The following TPRG1 variants were observed in gnomAD, a reference collection of about 807,000 sequenced individuals.
The protein encoded by TPRG1 is tumor protein p63 regulated 1.
In TPRG1, 29 loss-of-function variants were observed where a neutral mutation model predicts 29.3. The observed-to-expected ratio is 0.99, with a 90% CI of 0.74 to 1.35. TPRG1 has a LOEUF of 1.35. TPRG1 is among the 40% of genes most tolerant of loss of function. TPRG1 has a pLI of 0.00. For missense variants in TPRG1, 327 were observed against 335.0 expected (o/e 0.98, Z 0.19); for synonymous variants, 130 against 116.8 (o/e 1.11, Z -0.73).
chr3:189,203,112 T>G (rs1327216487), intron 1 of TPRG1, among the ~76,000 whole-genome samples: 1 of 152,160 alleles, frequency 6.6e-6, no homozygotes, highest in African/African-American at 2.4e-5. Flanking sequence ...AAGCTATAAT[T>G]TATGCCCTAC....
intron 4 of TPRG1, among the ~76,000 whole-genome samples, chr3:189,258,016 C>T (rs2109025615): frequency 1.3e-5 from 2 of 152,310 alleles, no homozygotes; most frequent in Middle Eastern, 3.4e-3. Flanking sequence ...TAGTCAAACT[C>T]ATTCTCAGTC....
chr3:189,003,745 C>G (rs1427152854), intron 2 of TPRG1, among the ~76,000 whole-genome samples: 1 of 152,194 alleles, frequency 6.6e-6, no homozygotes, highest in African/African-American at 2.4e-5. Context: ...CCTGATCCTT[C>G]TACTTTCCCA....
chr3:189,185,796 T>C (rs894884306), intron 1 of TPRG1, among the ~76,000 whole-genome samples: 12 of 152,214 alleles, frequency 7.9e-5, no homozygotes, highest in African/African-American at 2.9e-4. Context: ...AATATGTTAC[T>C]TTCTAACATT....
chr3:189,109,389 C>T (rs1720228367), intron 1 of TPRG1, among the ~76,000 whole-genome samples: 1 of 152,150 alleles, frequency 6.6e-6, no homozygotes, highest in African/African-American at 2.4e-5. Flanking sequence ...GATGTAATCG[C>T]TCATATGTCC....
chr3:189,211,918 A>G (rs1735325064), intron 2 of TPRG1: 1 of 152,036 alleles, frequency 6.6e-6, no homozygotes, highest in African/African-American at 2.4e-5. Context: ...TTCATCTGCT[A>G]TTATTGCTTA....
At chr3:189,052,739 A>G (rs1165539398) in intron 4 of TPRG1, among the ~76,000 whole-genome samples, 2 of 152,160 alleles carry the variant, frequency 1.3e-5, no homozygotes. Context: ...ATATATATAT[A>G]TATGCTATGC....
intron 4 of TPRG1, among the ~76,000 whole-genome samples, chr3:189,263,112 G>T (rs1171322142): frequency 2.0e-5 from 3 of 152,210 alleles, no homozygotes; most frequent in Admixed American, 2.0e-4. Context: ...CACACTCCTG[G>T]GGAGGCTCTT....
chr3:189,124,022 T>C (rs1190080402), intron 1 of TPRG1, among the ~76,000 whole-genome samples: 1 of 152,204 alleles, frequency 6.6e-6, no homozygotes, highest in Non-Finnish European at 1.5e-5. Flanking sequence ...GAGTCTTGTC[T>C]TTACTTCGTT....
rs562063267 is a variant in TPRG1, at chr3:189,217,636, C to A, written c.302+2253C>A. On this transcript the variant is annotated intron_variant, in intron 3 of 5. Transcript: ENST00000345063. ...TGGTGAGAATTTGACAGTTTATTTT[C>A]TTTGCTTGTTAAAAACCTCATCGTG... is the stretch of plus-strand genomic sequence containing the variant. 3.3e-5 allele frequency among the ~76,000 whole-genome samples: 5 copies of A among 152,222 alleles called. No homozygotes were observed. The East Asian group carries it at 9.6e-4, about 29-fold the overall frequency.
intron 1 of TPRG1, among the ~76,000 whole-genome samples, chr3:189,123,121 C>G (rs4600809): frequency 1.3e-5 from 2 of 152,160 alleles, no homozygotes; most frequent in Admixed American, 1.3e-4. Flanking sequence ...AATAACATTT[C>G]TGGTGGATTG....
chr3:189,239,711 C>T (rs1314222933), intron 4 of TPRG1, among the ~76,000 whole-genome samples: 1 of 152,120 alleles, frequency 6.6e-6, no homozygotes, highest in East Asian at 1.9e-4. Flanking sequence ...TTCTGTAAAG[C>T]TCAGTGGATA....
chr3:189,146,422 T>C (rs1725270837), intron 3 of TPRG1, among the ~76,000 whole-genome samples: 2 of 152,212 alleles, frequency 1.3e-5, no homozygotes, highest in Admixed American at 6.5e-5. Flanking sequence ...GTAGCCAGTG[T>C]CAAGGTTAGA....
intron 4 of TPRG1, among the ~76,000 whole-genome samples, chr3:189,263,373 C>T (rs1713481606): frequency 6.6e-6 from 1 of 152,092 alleles, no homozygotes; most frequent in Admixed American, 6.6e-5. Context: ...TTGGTGCCTC[C>T]GAGGAACTGT....
chr3:189,033,419 C>A (rs901874212), intron 4 of TPRG1, among the ~76,000 whole-genome samples: 1 of 151,950 alleles, frequency 6.6e-6, no homozygotes, highest in Non-Finnish European at 1.5e-5. Context: ...GTACCTGGGA[C>A]AACAGGTACG....
upstream of TPRG1, among the ~76,000 whole-genome samples, chr3:189,169,650 T>C (rs1728575850): frequency 6.6e-6 from 1 of 152,250 alleles, no homozygotes; most frequent in Non-Finnish European, 1.5e-5. Flanking sequence ...AATTCTTATA[T>C]ATAGCCATAT....
chr3:189,170,278 GT>G (rs1213317598), upstream of TPRG1, among the ~76,000 whole-genome samples: 5 of 152,286 alleles, frequency 3.3e-5, no homozygotes, highest in East Asian at 5.8e-4. Context: ...CTAGATACCG[GT>G]TCTGTAAAAC....
intron 2 of TPRG1, among the ~76,000 whole-genome samples, chr3:189,002,128 T>A (rs1712056980): frequency 6.6e-6 from 1 of 152,130 alleles, no homozygotes; most frequent in Admixed American, 6.5e-5. Flanking sequence ...TGGGTTCTGG[T>A]TATGAAGAAA....
At chr3:189,277,222 T>C (rs550439684) in intron 4 of TPRG1, among the ~76,000 whole-genome samples, 2 of 152,260 alleles carry the variant, frequency 1.3e-5, no homozygotes, top group South Asian at 2.1e-4. Flanking sequence ...AAGCATTGAG[T>C]GTGTGATGGG....
At chr3:189,112,854 T>G (rs1465363514) in intron 1 of TPRG1, among the ~76,000 whole-genome samples, 1 of 152,210 alleles carries the variant, frequency 6.6e-6, no homozygotes, top group Non-Finnish European at 1.5e-5. Flanking sequence ...GACTTGGCGT[T>G]GCAGGCTCTT....
Sources: gnomAD v4.1 joint callset for allele counts (sites outside exome capture counted in the v4.1 genomes callset) on GRCh38, gnomAD v4.1.1 for gene constraint, MANE v1.5 for transcripts, NCBI Gene and HGNC (gene_info 2026-07-23, HGNC 2026-07-21) for gene names.